Variants in AP2A2 observed in about 807,000 individuals in gnomAD.
The protein encoded by AP2A2 is adaptor related protein complex 2 subunit alpha 2, also known as AP-2 complex subunit alpha-2.
In AP2A2, 32 loss-of-function variants were observed where a neutral mutation model predicts 104.2. The ratio of observed to expected loss-of-function variants is 0.31; its 90% CI spans 0.23 to 0.41. AP2A2 has a LOEUF of 0.41. Among genes scored for constraint, AP2A2 ranks in the 10% least tolerant of loss-of-function variants. AP2A2 has a pLI of 1.00. For synonymous variants in AP2A2, 539 were observed against 533.3 expected, an observed-to-expected ratio of 1.01 and a Z score of -0.15; for missense variants, 912 against 1,261.0, an observed-to-expected ratio of 0.72 and a Z score of 4.19.
At chr11:1,001,610 G>A (rs1856033180) in intron 15 of AP2A2, among the ~76,000 whole-genome samples, 1 of 152,164 alleles carries the variant, frequency 6.6e-6, no homozygotes, top group African/African-American at 2.4e-5. Flanking sequence ...GGTGGGTGCA[G>A]GTCGCCGCTT....
chr11:977,345 T>C, intron 5 of AP2A2, 121 bp downstream of exon 5: 1 of 1,359,654 alleles, frequency 7.4e-7, no homozygotes, highest in Non-Finnish European at 9.8e-7. Flanking sequence ...GGGGCTGCTG[T>C]GGCTGCGTGC....
intron 1 of AP2A2, among the ~76,000 whole-genome samples, chr11:955,485 C>T (rs1331091570): frequency 2.0e-5 from 3 of 152,188 alleles, no homozygotes; most frequent in Admixed American, 6.5e-5. Flanking sequence ...GGGCAGCCTG[C>T]CCAGGGGTCA....
At chr11:964,734 G>A (rs1168572319) in intron 2 of AP2A2, among the ~76,000 whole-genome samples, 1 of 152,194 alleles carries the variant, frequency 6.6e-6, no homozygotes, top group Non-Finnish European at 1.5e-5. Context: ...AGACAGAAAT[G>A]GAAAGAATTT....
intron 2 of AP2A2, among the ~76,000 whole-genome samples, chr11:960,320 G>A (rs547304149): frequency 6.0e-5 from 9 of 150,698 alleles, no homozygotes; most frequent in Non-Finnish European, 8.9e-5. Context: ...TTGGCTCACC[G>A]CAACCTCCGC....
intron 2 of AP2A2, 31 bp downstream of exon 2, chr11:959,536 T>C: frequency 1.4e-6 from 2 of 1,425,770 alleles, no homozygotes; most frequent in Non-Finnish European, 1.9e-6. Flanking sequence ...CCATGAAATG[T>C]CCTGTTGTAA....
chr11:1,009,963 C>T, intron 21 of AP2A2, 146 bp downstream of exon 21: 1 of 1,017,748 alleles, frequency 9.8e-7, no homozygotes, highest in South Asian at 1.7e-5. Flanking sequence ...ACATGGTTGC[C>T]TCCCAGCCTC....
chr11:966,220 C>T (rs554548483), intron 2 of AP2A2, among the ~76,000 whole-genome samples: 53 of 152,296 alleles, frequency 3.5e-4, no homozygotes, highest in African/African-American at 5.5e-4. Flanking sequence ...AGGCCAGGCG[C>T]GGTGGCTCGT....
chr11:994,235 C>T lies in AP2A2; in HGVS notation c.1946C>T (p.Thr649Ile), dbSNP rs373979756. 8 of 1,612,836 alleles carry T rather than the reference C, an allele frequency of 5.0e-6. No individual in the cohort carries two copies. Among genetic ancestry groups the T allele is most frequent in the Non-Finnish European group, 6.8e-6 (8 of 1,179,768 alleles). The change falls in exon 14 of 22, where the codon ACC (threonine) becomes ATC (isoleucine). Residue 649 changes from threonine to isoleucine, a missense_variant. Coordinates refer to ENST00000448903, the MANE Select transcript of AP2A2 (RefSeq NM_012305.4). ...NGGPEPAPAS[T>I]SAVSTPSPSA... The stretch of plus-strand genomic sequence containing the variant: ...GGTCCTGAGCCTGCCCCAGCCAGTA[C>T]CAGCGCCGTGGTGGGTCCCTCACCT...
intron 8 of AP2A2, 95 bp downstream of exon 8, chr11:985,677 C>T: frequency 6.5e-7 from 1 of 1,541,002 alleles, no homozygotes; most frequent in Non-Finnish European, 8.8e-7. Context: ...CTGGTTTGTC[C>T]ACTCCATGGG....
chr11:939,363 ATTTAC>A (rs1251854810), intron 1 of AP2A2, among the ~76,000 whole-genome samples: 3 of 152,124 alleles, frequency 2.0e-5, no homozygotes, highest in Non-Finnish European at 2.9e-5. Context: ...CTTCTTAAAA[ATTTAC>A]TTTAAGAATG....
chr11:956,674 C>T (rs1243491536), intron 1 of AP2A2: 1 of 152,322 alleles, frequency 6.6e-6, no homozygotes, highest in South Asian at 2.1e-4. Context: ...TGGCTTGTGA[C>T]ATACATGCAA....
intron 10 of AP2A2, among the ~76,000 whole-genome samples, chr11:991,049 C>G (rs1303679870): frequency 2.7e-5 from 4 of 149,638 alleles, no homozygotes; most frequent in Non-Finnish European, 5.9e-5. Flanking sequence ...GATGCTCCCC[C>G]CACCCCGTCC....
chr11:1,011,535 T>G lies in AP2A2; in HGVS notation c.*910T>G. On this transcript the variant is annotated 3_prime_UTR_variant, in exon 22 of 22. Transcript: ENST00000448903. ...GGAAGTGAAGGGGCCATTGGCCGCA[T>G]GCCATGTGCCACCTGCGGCTTGTGT... 2.1e-6 allele frequency: 1 copy of G among 478,284 alleles called. No homozygotes were observed. Among genetic ancestry groups the G allele is most frequent in the South Asian group, 1.5e-5 (1 of 66,416 alleles). 29.6% of individuals were successfully genotyped at this position (478,284 alleles called of 1,614,324 possible).
intron 1 of AP2A2, among the ~76,000 whole-genome samples, chr11:952,177 T>C (rs557517228): frequency 9.8e-5 from 15 of 152,366 alleles, no homozygotes; most frequent in African/African-American, 2.9e-4. Flanking sequence ...CTGAAATCAC[T>C]TTATATACAG....
chr11:993,793 C>A lies in AP2A2; in HGVS notation c.1590C>A (p.His530Gln). Residue 530 changes from histidine (H) to glutamine (Q), a missense_variant, in exon 13 of 22, where the codon CAC becomes CAA. Transcript: ENST00000448903. The surrounding 1 kb of genome is among the most constrained non-coding windows in gnomAD (Gnocchi z 8.2). The part of the protein sequence containing the change: ...IQFHLLHSKF[H>Q]LCSVPTRALL... The stretch of plus-strand genomic sequence containing the variant: ...TCCACCTGCTGCACTCCAAGTTCCA[C>A]CTGTGCAGCGTCCCCACCCGCGCGC... 1 of 1,606,516 alleles carries A rather than the reference C, an allele frequency of 6.2e-7. No homozygotes were observed. Among genetic ancestry groups the A allele is most frequent in the Non-Finnish European group, 8.5e-7 (1 of 1,178,912 alleles).
chr11:953,560 T>C (rs2134536684), intron 1 of AP2A2, among the ~76,000 whole-genome samples: 1 of 150,354 alleles, frequency 6.7e-6, no homozygotes, highest in African/African-American at 2.4e-5. Context: ...CCCCCCCCAT[T>C]GTCTTCACAC....
intron 2 of AP2A2, among the ~76,000 whole-genome samples, chr11:967,497 G>A (rs1018804098): frequency 6.6e-6 from 1 of 151,920 alleles, no homozygotes; most frequent in Non-Finnish European, 1.5e-5. Flanking sequence ...GAGTAGCTGG[G>A]ACTACAGGCG....
chr11:948,474 T>C (rs1853927623), intron 1 of AP2A2: 1 of 152,260 alleles, frequency 6.6e-6, no homozygotes, highest in Non-Finnish European at 1.5e-5. Context: ...GAGATTAGCA[T>C]GGCCCTTGTG....
At chr11:930,636 T>G (rs1853261458) in intron 1 of AP2A2, among the ~76,000 whole-genome samples, 1 of 152,118 alleles carries the variant, frequency 6.6e-6, no homozygotes, top group Admixed American at 6.5e-5. Flanking sequence ...TTCTGCTGCC[T>G]CAGCCTCCCG....
Sources: allele counts gnomAD v4.1 joint callset (sites outside exome capture counted in the v4.1 genomes callset), GRCh38; gene constraint gnomAD v4.1.1; non-coding constraint Gnocchi (gnomAD v3.1); transcripts MANE v1.5; gene names NCBI Gene and HGNC (gene_info 2026-07-23, HGNC 2026-07-21).